RNF40: variants seen among roughly 807,000 people sequenced by gnomAD.
The protein encoded by RNF40 is E3 ubiquitin-protein ligase BRE1B.
In RNF40, 39 loss-of-function variants were observed where a neutral mutation model predicts 123.3. The observed-to-expected ratio is 0.32, with a 90% CI of 0.24 to 0.41. The LOEUF is 0.41. Ranked by LOEUF, RNF40 falls within the 10% of genes least tolerant of loss-of-function variation. RNF40 has a pLI of 1.00. For missense variants in RNF40, 1,003 were observed against 1,319.9 expected (o/e 0.76, Z 3.72); for synonymous variants, 538 against 526.0 (o/e 1.02, Z -0.31).
At chr16:30,767,744 A>G in intron 11 of RNF40, 150 bp from the exon 12 acceptor site, 1 of 962,154 alleles carries the variant, frequency 1.0e-6, no homozygotes, top group Non-Finnish European at 1.5e-6. Flanking sequence ...AGTCAGCATT[A>G]TTTACTTTGA....
In RNF40 at chr16:30,762,970, C is replaced by T. The variant is rs926366071; in HGVS notation, c.133-148C>T. ...CAAAGACACTTTCGCTGTGTGTTGTCTGAGCCTCCTTAGATTCTGTTAGCG... is the reference window on the plus strand; with the variant it reads ...CAAAGACACTTTCGCTGTGTGTTGTTTGAGCCTCCTTAGATTCTGTTAGCG... On this transcript the variant is annotated intron_variant, in intron 2 of 19. Transcript: ENST00000324685. The T allele has an allele frequency of 5.2e-5, 48 of 931,990 alleles. No homozygotes were observed. The East Asian group carries it at 1.2e-3, about 24-fold the overall frequency. 57.7% of individuals were successfully genotyped at this position (931,990 alleles called of 1,614,324 possible). A position where few individuals can be genotyped will look rare whatever the true frequency, so the allele number is the denominator to read the frequency against.
rs369928310 is a variant in RNF40, at chr16:30,768,863, G to A, written c.2123G>A (p.Arg708Gln). ...GTTGATGAGCTGCGGAGCCGCATCCGGGAATTGGAGGAGAGGGATCGAAGG... is the reference window on the plus strand; with the variant it reads ...GTTGATGAGCTGCGGAGCCGCATCCAGGAATTGGAGGAGAGGGATCGAAGG... ...AEVDELRSRI[R>Q]ELEERDRRES... is the part of the protein sequence containing the mutation. Residue 708 changes from arginine to glutamine, a missense_variant, in exon 15 of 20, where the codon CGG (arginine) becomes CAG (glutamine). Arg to Gln is a conservative substitution (Grantham distance 43, BLOSUM62 1). Coordinates refer to ENST00000324685, the MANE Select transcript of RNF40 (RefSeq NM_014771.4). This position sits in a 1 kb window ranked among gnomAD's most constrained non-coding sequence, Gnocchi z 4.1. 14 of 1,614,124 alleles carry A rather than the reference G, an allele frequency of 8.7e-6. No homozygotes were observed. The highest frequency in any genetic ancestry group is 1.6e-4 in the Middle Eastern group (1 of 6,084).
At chr16:30,761,865 C>T (rs1415445879), upstream of RNF40, 2 of 1,044,708 alleles carry the variant, frequency 1.9e-6, no homozygotes, top group South Asian at 3.6e-5. Flanking sequence ...TCCGGCCAAT[C>T]TACGCGCGGA....
chr16:30,768,670 G>A lies in RNF40; in HGVS notation c.2031G>A (p.Lys677=). ...KEMKLLLDMY[K]SAPKEQRDKV... ...TGAAACTGCTGCTGGATATGTACAA[G>A]TCAGCGCCCAAGGAGCAGCGGGATA... Residue 677 remains lysine, a synonymous_variant, in exon 14 of 20, where the codon AAG becomes AAA. Transcript: ENST00000324685. The surrounding 1 kb of genome is among the most constrained non-coding windows in gnomAD (Gnocchi z 4.1). 3 of 1,614,204 alleles carry A rather than the reference G, an allele frequency of 1.9e-6. No individual in the cohort carries two copies. The highest frequency in any genetic ancestry group is 3.3e-5 in the Admixed American group (2 of 60,032).
At chr16:30,773,868 C>T in intron 19 of RNF40, 70 bp from the exon 20 acceptor site, 1 of 1,521,016 alleles carries the variant, frequency 6.6e-7, no homozygotes, top group Admixed American at 1.8e-5. Context: ...GCCTGGACTC[C>T]TCCTGCTGTC....
Position 30,775,375 on chromosome 16 carries a change from C to T in RNF40, c.*1261C>T, listed in dbSNP as rs1160737539. 5 of 232,998 alleles carry T rather than the reference C, an allele frequency of 2.1e-5. No individual in the cohort carries two copies. In the East Asian group the frequency reaches 6.5e-4, roughly 30 times the overall value. 14.4% of individuals were successfully genotyped at this position (232,998 alleles called of 1,614,324 possible). A position where few individuals can be genotyped will look rare whatever the true frequency, so the allele number is the denominator to read the frequency against. On this transcript the variant is annotated 3_prime_UTR_variant, in exon 20 of 20. Coordinates refer to ENST00000324685, the MANE Select transcript of RNF40 (RefSeq NM_014771.4). ...GCGGAGCCGCCTGTCCTGCTCCCAC[C>T]GACCCCGGTCTGACCACGTCCTTGG...
intron 8 of RNF40, 88 bp downstream of exon 8, chr16:30,765,587 A>G: frequency 1.6e-5 from 19 of 1,191,208 alleles, no homozygotes; most frequent in Non-Finnish European, 2.2e-5. Flanking sequence ...ACAAACATCC[A>G]TCTCTGAGGC....
rs1474630653 is a variant in RNF40 at position 30,768,786 on chromosome 16, C to T, written c.2097+50C>T. The stretch of plus-strand genomic sequence containing the variant: ...GCATTCAGAAAGGCAGAGCAGAGTC[C>T]TAGCTCAGCAGGAAGCAGTGTCAAG... On this transcript the variant is annotated intron_variant, in intron 14 of 19. Coordinates refer to ENST00000324685, the MANE Select transcript of RNF40 (RefSeq NM_014771.4). The surrounding 1 kb of genome is among the most constrained non-coding windows in gnomAD (Gnocchi z 4.1). The T allele has an allele frequency of 2.5e-6, 4 of 1,613,716 alleles. No individual in the cohort carries two copies. The highest frequency in any genetic ancestry group is 3.4e-6 in the Non-Finnish European group (4 of 1,179,846).
At chr16:30,767,860 G>A (rs776879245) in intron 11 of RNF40, 34 bp from the exon 12 acceptor site, 7 of 1,614,098 alleles carry the variant, frequency 4.3e-6, no homozygotes, top group Non-Finnish European at 5.1e-6. Context: ...CCAGGAACTG[G>A]TTCTGACACC....
Position 30,768,998 on chromosome 16 carries a change from TGTG to T in RNF40, c.2247+15_2247+17del, listed in dbSNP as rs776441770. On this transcript the variant is annotated intron_variant, in intron 15 of 19. Transcript: ENST00000324685. The surrounding 1 kb of genome is among the most constrained non-coding windows in gnomAD (Gnocchi z 4.1). ...GGTGCCACCAAGCAGGTGCGGCCCA[TGTG>T]GTGCCCTCGCGTCGGAGCGCAGGGA... 2.8e-5 allele frequency: 45 copies of T among 1,613,648 alleles called. No homozygotes were observed. Among genetic ancestry groups the T allele is most frequent in the African/African-American group, 4.0e-5 (3 of 74,918 alleles).
chr16:30,762,239 T>A (rs1237102383), upstream of RNF40: 12 of 396,658 alleles, frequency 3.0e-5, no homozygotes, highest in Admixed American at 2.8e-4. Flanking sequence ...TTTCCTCACA[T>A]CCGGGGCTGC....
Position 30,768,581 on chromosome 16 carries a change from C to T in RNF40, c.1980-38C>T. The stretch of plus-strand genomic sequence containing the variant: ...CTGACCCTGCCAGGTGGCCTCCAGT[C>T]CCACTCACTAAGACTTCCTCCTGTA... On this transcript the variant is annotated intron_variant, in intron 13 of 19. Transcript: ENST00000324685. The surrounding 1 kb of genome is among the most constrained non-coding windows in gnomAD (Gnocchi z 4.1). The T allele has an allele frequency of 6.2e-7, 1 of 1,613,980 alleles. No individual in the cohort carries two copies. Among genetic ancestry groups the T allele is most frequent in the Non-Finnish European group, 8.5e-7 (1 of 1,179,864 alleles).
intron 1 of RNF40, 50 bp from the exon 2 acceptor site, chr16:30,762,425 G>C (rs2053869903): frequency 9.1e-7 from 1 of 1,099,150 alleles, no homozygotes; most frequent in Non-Finnish European, 1.3e-6. Context: ...GGGTGTTTGG[G>C]GCTGTGGAAC....
In RNF40 at chr16:30,769,620, A is replaced by G. The variant is rs1199443084; in HGVS notation, c.2586+20A>G. ...CGGAAGGTGAGGCTGGGCCAGGGGG[A>G]CACACAGCTTGGGCTGCTGGCTCAC... On this transcript the variant is annotated intron_variant, in intron 17 of 19. Coordinates refer to ENST00000324685, the MANE Select transcript of RNF40 (RefSeq NM_014771.4). 4.6e-6 allele frequency: 7 copies of G among 1,525,134 alleles called. No homozygotes were observed. In the Middle Eastern group the frequency reaches 6.6e-4, roughly 143 times the overall value. The allele number at this position is 1,525,134 out of a possible 1,614,324, so 94.5% of individuals were successfully genotyped here. A position where few individuals can be genotyped will look rare whatever the true frequency, so the allele number is the denominator to read the frequency against.
In RNF40 at chr16:30,774,257, C is replaced by G; in HGVS notation, c.*143C>G. 1.3e-6 allele frequency: 1 copy of G among 788,114 alleles called. No homozygotes were observed. Among genetic ancestry groups the G allele is most frequent in the African/African-American group, 1.7e-5 (1 of 57,512 alleles). The allele number at this position is 788,114 out of a possible 1,614,324, so 48.8% of individuals were successfully genotyped here. A position where few individuals can be genotyped will look rare whatever the true frequency, so the allele number is the denominator to read the frequency against. On this transcript the variant is annotated 3_prime_UTR_variant, in exon 20 of 20. Coordinates refer to ENST00000324685, the MANE Select transcript of RNF40 (RefSeq NM_014771.4). ...TGCCCATCTAGTTGGTTTGGGGACC[C>G]TGGTGCATGCTAGTGGGCATGGGAT... is the stretch of plus-strand genomic sequence containing the variant.
chr16:30,763,364 C>G (rs981937182), intron 3 of RNF40, 54 bp from the exon 4 acceptor site: 20 of 1,605,136 alleles, frequency 1.2e-5, no homozygotes, highest in Non-Finnish European at 1.7e-5. Flanking sequence ...AAAGGAGTAT[C>G]ATGTTGGAAA....
chr16:30,762,250 C>G (rs2053853145), upstream of RNF40: 1 of 422,156 alleles, frequency 2.4e-6, no homozygotes, highest in South Asian at 4.4e-5. Flanking sequence ...CCGGGGCTGC[C>G]TTTGGCGCCT....
At chr16:30,763,014 C>G in intron 2 of RNF40, 104 bp from the exon 3 acceptor site, 1 of 1,251,624 alleles carries the variant, frequency 8.0e-7, no homozygotes, top group Non-Finnish European at 1.1e-6. Flanking sequence ...GGGAATACCT[C>G]CATCTCCCAT....
intron 17 of RNF40, among the ~76,000 whole-genome samples, 196 bp downstream of exon 17, chr16:30,769,796 T>A (rs1033469209): frequency 3.9e-5 from 6 of 152,228 alleles, no homozygotes; most frequent in African/African-American, 7.2e-5. Flanking sequence ...TCAGTCTCAC[T>A]AATCCTATCA....
Sources: gnomAD v4.1 joint callset for allele counts (sites outside exome capture counted in the v4.1 genomes callset) on GRCh38, gnomAD v4.1.1 for gene constraint, Gnocchi (gnomAD v3.1) non-coding constraint, MANE v1.5 for transcripts, NCBI Gene and HGNC (gene_info 2026-07-23, HGNC 2026-07-21) for gene names.